MIER3: variants seen among roughly 807,000 people sequenced by gnomAD.
The protein encoded by MIER3 is mesoderm induction early response protein 3.
In MIER3, 9 loss-of-function variants were observed where a neutral mutation model predicts 63.2. That is an observed-to-expected ratio of 0.14 (90% CI 0.09 to 0.25). The LOEUF (loss-of-function observed/expected upper bound fraction) is 0.25. MIER3 is among the 10% of genes least tolerant of loss of function. The probability of loss-of-function intolerance (pLI) is 1.00; values close to 1 mark genes in which losing one functional copy is unlikely to be tolerated. For synonymous variants in MIER3, 205 were observed against 224.9 expected (o/e 0.91, Z 0.79); for missense variants, 512 against 666.2 (o/e 0.77, Z 2.55).
chr5:56,951,894 G>A (rs1335679862), intron 1 of MIER3, among the ~76,000 whole-genome samples, 200 bp downstream of exon 1: 2 of 150,404 alleles, frequency 1.3e-5, no homozygotes, highest in Non-Finnish European at 1.5e-5. Flanking sequence ...AGTCCCGGAG[G>A]GAGACCGCTC....
rs372170107 is a variant in MIER3 at position 56,935,760 on chromosome 5, A to G, written c.437-9T>C. On this transcript the variant is annotated splice_polypyrimidine_tract_variant and intron_variant, in intron 5 of 12. Coordinates refer to ENST00000381199, the MANE Select transcript of MIER3 (RefSeq NM_001297599.2). ...ATCACATGCAGTATTTGCTTAAAAGACAAAAATTAAAAAGGTTTTTACTGC... is the reference window on the plus strand; with the variant it reads ...ATCACATGCAGTATTTGCTTAAAAGGCAAAAATTAAAAAGGTTTTTACTGC... 6.2e-7 allele frequency: 1 copy of G among 1,608,640 alleles called. No individual in the cohort carries two copies. The highest frequency in any genetic ancestry group is 1.3e-5 in the African/African-American group (1 of 74,602).
intron 3 of MIER3, among the ~76,000 whole-genome samples, chr5:56,945,310 A>G (rs538285146): frequency 9.2e-5 from 14 of 152,184 alleles, no homozygotes; most frequent in African/African-American, 3.1e-4. Flanking sequence ...CAAAAATACA[A>G]AAAGTAGCCA....
chr5:56,933,421 C>G, intron 7 of MIER3, 23 bp from the exon 8 acceptor site: 1 of 1,575,292 alleles, frequency 6.3e-7, no homozygotes, highest in Non-Finnish European at 8.6e-7. Context: ...ATCCCATTAA[C>G]ACATTAAAAA....
intron 2 of MIER3, among the ~76,000 whole-genome samples, chr5:56,947,961 CTTGTT>C (rs1358245256): frequency 2.6e-5 from 4 of 152,200 alleles, no homozygotes; most frequent in Non-Finnish European, 5.9e-5. Flanking sequence ...ATTTTCTCCA[CTTGTT>C]TTACTCTAGT....
intron 1 of MIER3, among the ~76,000 whole-genome samples, chr5:56,951,875 C>T (rs1211174765): frequency 6.6e-6 from 1 of 150,784 alleles, no homozygotes; most frequent in Non-Finnish European, 1.5e-5. Flanking sequence ...GCCGGAGCCG[C>T]CGCGGCCTAG....
chr5:56,939,442 C>G (rs1319754067), intron 3 of MIER3, among the ~76,000 whole-genome samples: 2 of 152,180 alleles, frequency 1.3e-5, no homozygotes, highest in Non-Finnish European at 2.9e-5. Context: ...TAGAAGACAC[C>G]TGGTAGAAAA....
chr5:56,929,759 G>A (rs1047756707), intron 9 of MIER3, among the ~76,000 whole-genome samples: 3 of 152,128 alleles, frequency 2.0e-5, no homozygotes, highest in Non-Finnish European at 2.9e-5. Context: ...GGTGAATTCC[G>A]TATCTACTTG....
rs1750844094 is a variant in MIER3, at chr5:56,946,914, T to C, written c.180+12A>G. The C allele has an allele frequency of 6.6e-7, 1 of 1,514,740 alleles. No homozygotes were observed. 93.8% of individuals were successfully genotyped at this position (1,514,740 alleles called of 1,614,324 possible). A position where few individuals can be genotyped will look rare whatever the true frequency, so the allele number is the denominator to read the frequency against. ...TCTTTGTTAAGTTTGTATATTAAAG[T>C]AAATCTTATACCTTTTCTAAGTCTT... On this transcript the variant is annotated intron_variant, in intron 3 of 12. Coordinates refer to ENST00000381199, the MANE Select transcript of MIER3 (RefSeq NM_001297599.2).
At chr5:56,948,867 T>C (rs1451292905) in intron 2 of MIER3, among the ~76,000 whole-genome samples, 1 of 152,158 alleles carries the variant, frequency 6.6e-6, no homozygotes, top group Non-Finnish European at 1.5e-5. Flanking sequence ...TTCTATCACT[T>C]GGCACAACAG....
chr5:56,925,148 C>T (rs1749900682), intron 10 of MIER3, among the ~76,000 whole-genome samples: 2 of 152,230 alleles, frequency 1.3e-5, no homozygotes, highest in South Asian at 2.1e-4. Context: ...ATCCAGACTT[C>T]TTTAAAAATG....
chr5:56,926,042 A>G (rs1233089222), intron 10 of MIER3, among the ~76,000 whole-genome samples: 1 of 152,060 alleles, frequency 6.6e-6, no homozygotes, highest in African/African-American at 2.4e-5. Context: ...GGACATCCAC[A>G]TAAAAAAAAA....
intron 4 of MIER3, among the ~76,000 whole-genome samples, chr5:56,938,003 C>T (rs1750511873): frequency 6.6e-6 from 1 of 152,030 alleles, no homozygotes; most frequent in African/African-American, 2.4e-5. Flanking sequence ...CAAAAACAGT[C>T]TGACTTTTAA....
chr5:56,926,513 A>C (rs1398492728), intron 10 of MIER3, among the ~76,000 whole-genome samples: 1 of 152,110 alleles, frequency 6.6e-6, no homozygotes, highest in Non-Finnish European at 1.5e-5. Context: ...CTCATGAGGG[A>C]ATTACAAATT....
At chr5:56,936,208 C>A (rs2112115606) in intron 5 of MIER3, among the ~76,000 whole-genome samples, 1 of 138,800 alleles carries the variant, frequency 7.2e-6, no homozygotes, top group African/African-American at 2.7e-5. Context: ...CAGAGTGAGA[C>A]TCCATCTCAA....
In MIER3 at chr5:56,950,633, C is replaced by T; in HGVS notation, c.29G>A (p.Ser10Asn). MAEASFGSS[S>N]PVGSLSSEDH... The stretch of plus-strand genomic sequence containing the variant: ...CGTAAGAAAATAGGACAAACCTGGG[C>T]TCGAACTTCCAAAAGAAGCCTAGGA... Residue 10 changes from serine (S) to asparagine (N), a missense_variant, in exon 2 of 13, where the codon AGC becomes AAC. Transcript: ENST00000381199. 6.2e-7 allele frequency: 1 copy of T among 1,613,846 alleles called. No individual in the cohort carries two copies. Among genetic ancestry groups the T allele is most frequent in the South Asian group, 1.1e-5 (1 of 91,000 alleles).
At position 56,921,524 on chromosome 5, in the gene MIER3, T is replaced by G. The variant is rs898615457; in HGVS notation, c.*1604A>C. On this transcript the variant is annotated 3_prime_UTR_variant, in exon 13 of 13. Transcript: ENST00000381199. ...ACTAATGTGCTACTGCGTAAACACT[T>G]CAAAGCAATCTTCATTAAAATGCTG... 1.0e-4 allele frequency: 16 copies of G among 152,730 alleles called. No homozygotes were observed. Among genetic ancestry groups the G allele is most frequent in the African/African-American group, 3.8e-4 (16 of 41,582 alleles). 9.5% of individuals were successfully genotyped at this position (152,730 alleles called of 1,614,324 possible). A position where few individuals can be genotyped will look rare whatever the true frequency, so the allele number is the denominator to read the frequency against.
chr5:56,950,580 C>G, intron 2 of MIER3, 48 bp downstream of exon 2: 1 of 1,602,070 alleles, frequency 6.2e-7, no homozygotes, highest in African/African-American at 1.3e-5. Flanking sequence ...CCTTTGAGCC[C>G]ACATTACCCA....
At chr5:56,933,652 G>T (rs1750349332) in intron 7 of MIER3, among the ~76,000 whole-genome samples, 1 of 152,128 alleles carries the variant, frequency 6.6e-6, no homozygotes, top group African/African-American at 2.4e-5. Flanking sequence ...CAATCTGAAG[G>T]CTCTCCATGC....
chr5:56,923,101 C>A lies in MIER3; in HGVS notation c.*27G>T, dbSNP rs900292759. On this transcript the variant is annotated 3_prime_UTR_variant, in exon 13 of 13. Transcript: ENST00000381199. ...TCCCCTCAAGTTTACTGGTGCTGCACACGCAGTTCCGGGATCCTCACTCAG... is the reference window on the plus strand; with the variant it reads ...TCCCCTCAAGTTTACTGGTGCTGCAAACGCAGTTCCGGGATCCTCACTCAG... 1.3e-5 allele frequency: 20 copies of A among 1,595,520 alleles called. No homozygotes were observed. Among genetic ancestry groups the A allele is most frequent in the East Asian group, 2.2e-5 (1 of 44,522 alleles).
Sources: gnomAD v4.1 joint callset for allele counts (sites outside exome capture counted in the v4.1 genomes callset) on GRCh38, gnomAD v4.1.1 for gene constraint, MANE v1.5 for transcripts, NCBI Gene and HGNC (gene_info 2026-07-23, HGNC 2026-07-21) for gene names.